Variants in NRG1 observed in about 807,000 individuals in gnomAD.
NRG1 encodes neuregulin 1, also known as pro-neuregulin-1, membrane-bound isoform.
Under a neutral mutation model 63.8 loss-of-function variants are expected in NRG1, and 18 were observed. The observed-to-expected ratio is 0.28, with a 90% confidence interval of 0.19 to 0.42. NRG1 has a LOEUF of 0.42. Among genes scored for constraint, NRG1 ranks in the 10% least tolerant of loss-of-function variants. The probability of loss-of-function intolerance (pLI) is 1.00; values close to 1 mark genes in which losing one functional copy is unlikely to be tolerated. For missense variants in NRG1, 762 were observed against 814.7 expected, an observed-to-expected ratio of 0.94 and a Z score of 0.79; for synonymous variants, 302 against 301.3, an observed-to-expected ratio of 1.00 and a Z score of -0.02.
intron 1 of NRG1, among the ~76,000 whole-genome samples, chr8:32,487,289 C>A (rs1826026224): frequency 6.6e-6 from 1 of 152,060 alleles, no homozygotes; most frequent in African/African-American, 2.4e-5. Flanking sequence ...CAAATGTGCC[C>A]ATGACCCCAC....
At chr8:32,399,276 ATG>A (rs374284981) in intron 1 of NRG1, among the ~76,000 whole-genome samples, 1 of 152,360 alleles carries the variant, frequency 6.6e-6, no homozygotes, top group African/African-American at 2.4e-5. Context: ...CGTTAATTTT[ATG>A]TGTCTTTAAA....
At chr8:31,671,864 G>A (rs1171606557) in intron 1 of NRG1, among the ~76,000 whole-genome samples, 1 of 152,064 alleles carries the variant, frequency 6.6e-6, no homozygotes, top group East Asian at 1.9e-4. Context: ...ATTCTCAATA[G>A]CAGAAAATAG....
intron 1 of NRG1, among the ~76,000 whole-genome samples, chr8:31,699,618 G>A (rs529869274): frequency 7.4e-4 from 113 of 152,260 alleles, no homozygotes; most frequent in Non-Finnish European, 3.7e-4. Context: ...GCTCCTGCAA[G>A]TCTTTGGCAG....
chr8:32,038,374 T>C (rs1050916571), intron 1 of NRG1, among the ~76,000 whole-genome samples: 1 of 151,958 alleles, frequency 6.6e-6, no homozygotes, highest in Non-Finnish European at 1.5e-5. Flanking sequence ...ATTTACTTGC[T>C]CTTTTTGTTC....
At chr8:31,787,733 A>G (rs77391038) in intron 1 of NRG1, among the ~76,000 whole-genome samples, 2,348 of 152,314 alleles carry the variant, frequency 0.015, 64 homozygotes, top group African/African-American at 0.054. Context: ...CTAATGTTAT[A>G]TATGTACTTC....
downstream of NRG1, among the ~76,000 whole-genome samples, chr8:32,771,715 A>AAAAAAAAATATATAT (rs1343943621): frequency 8.9e-6 from 1 of 111,848 alleles, no homozygotes; most frequent in African/African-American, 3.5e-5. Context: ...TTAAAAAAAA[A>AAAAAAAAATATATAT]ATATATATAT....
intron 1 of NRG1, among the ~76,000 whole-genome samples, chr8:32,425,399 G>A (rs1033115237): frequency 6.7e-6 from 1 of 150,334 alleles, no homozygotes; most frequent in Non-Finnish European, 1.5e-5. Context: ...ATCTGTAAGT[G>A]TGATTTTTAC....
intron 1 of NRG1, among the ~76,000 whole-genome samples, chr8:31,916,878 C>T (rs1833437610): frequency 6.6e-6 from 1 of 151,584 alleles, no homozygotes; most frequent in South Asian, 2.1e-4. Flanking sequence ...TCTTTCCTGA[C>T]TTTTTAATGA....
rs1376153729 is a variant in NRG1 at position 31,948,089 on chromosome 8, TAC to T, written c.37+308664_37+308665del. 7.9e-5 allele frequency among the ~76,000 whole-genome samples: 12 copies of T among 152,094 alleles called. No individual in the cohort carries two copies. The South Asian group carries it at 2.3e-3, about 29-fold the overall frequency. On this transcript the variant is annotated intron_variant, in intron 1 of 10. Transcript: ENST00000519301. ...GAATGTGTGTGTGCGCATGCACATA[TAC>T]ACACATATGCACATATGTATATATG...
At chr8:32,421,263 A>C (rs1302513130) in intron 1 of NRG1, among the ~76,000 whole-genome samples, 1 of 152,130 alleles carries the variant, frequency 6.6e-6, no homozygotes, top group Non-Finnish European at 1.5e-5. Context: ...ATCTGAATCA[A>C]ATTTGCTGTT....
At chr8:32,606,970 C>T (rs1845381980) in intron 3 of NRG1, among the ~76,000 whole-genome samples, 3 of 152,138 alleles carry the variant, frequency 2.0e-5, no homozygotes, top group African/African-American at 7.2e-5. Context: ...GTTAATGCCT[C>T]ATCCTCTCTG....
chr8:32,205,894 T>C (rs941994983), intron 1 of NRG1, among the ~76,000 whole-genome samples: 2 of 149,946 alleles, frequency 1.3e-5, no homozygotes, highest in African/African-American at 4.9e-5. Flanking sequence ...AGGCCAGAAG[T>C]TTGAGACCAG....
chr8:32,605,423 G>A (rs573274071), intron 2 of NRG1, 139 bp from the exon 3 acceptor site: 1 of 889,100 alleles, frequency 1.1e-6, no homozygotes, highest in African/African-American at 1.7e-5. Flanking sequence ...TCAGATCAAT[G>A]TAACGGAAGT....
intron 1 of NRG1, among the ~76,000 whole-genome samples, chr8:32,502,366 A>C (rs1357598129): frequency 6.6e-6 from 1 of 150,576 alleles, no homozygotes; most frequent in Admixed American, 6.7e-5. Flanking sequence ...CATGATTACA[A>C]TCACCTCCCA....
Position 32,148,544 on chromosome 8 carries a change from G to A in NRG1, c.38-447284G>A, listed in dbSNP as rs183877872. Among the ~76,000 whole-genome samples, 954 of 152,180 alleles carry A rather than the reference G, an allele frequency of 6.3e-3. 36 individuals carry two copies. The highest frequency in any genetic ancestry group is 0.057 in the Admixed American group (872 of 15,290). On this transcript the variant is annotated intron_variant, in intron 1 of 10. Transcript: ENST00000519301. ...CTCCCTAGTAGCTGGGACTACAGCC[G>A]CCCACCACCACGCCCGGCTAATTTT...
At chr8:32,398,437 G>T (rs1411852479) in intron 1 of NRG1, among the ~76,000 whole-genome samples, 3 of 147,264 alleles carry the variant, frequency 2.0e-5, no homozygotes, top group Non-Finnish European at 4.5e-5. Flanking sequence ...TTAAGACCAG[G>T]TCTCACTCTG....
chr8:32,266,764 G>C (rs1006751768), intron 1 of NRG1, among the ~76,000 whole-genome samples: 20 of 151,838 alleles, frequency 1.3e-4, no homozygotes, highest in African/African-American at 4.8e-4. Flanking sequence ...GGCTGGGTAG[G>C]GTGGCTCATG....
At chr8:32,067,494 T>C (rs1351966260) in intron 1 of NRG1, among the ~76,000 whole-genome samples, 1 of 152,214 alleles carries the variant, frequency 6.6e-6, no homozygotes, top group Non-Finnish European at 1.5e-5. Context: ...ATTACATTTA[T>C]TGATTTTTGT....
intron 1 of NRG1, among the ~76,000 whole-genome samples, chr8:32,578,311 A>G (rs1840032929): frequency 6.6e-6 from 1 of 152,130 alleles, no homozygotes; most frequent in Non-Finnish European, 1.5e-5. Flanking sequence ...TTTAAATAAG[A>G]TCTTCATGTG....
Sources: gnomAD v4.1 joint callset for allele counts (sites outside exome capture counted in the v4.1 genomes callset) on GRCh38, gnomAD v4.1.1 for gene constraint, MANE v1.5 for transcripts, NCBI Gene and HGNC (gene_info 2026-07-23, HGNC 2026-07-21) for gene names.